PRDM5: variants seen among roughly 807,000 people sequenced by gnomAD.
PRDM5 encodes PR/SET domain 5.
Under a neutral mutation model 81.2 loss-of-function variants are expected in PRDM5, and 56 were observed. The ratio of observed to expected loss-of-function variants is 0.69; its 90% CI spans 0.56 to 0.86. The LOEUF (loss-of-function observed/expected upper bound fraction) is 0.86, where lower values mean the gene tolerates loss of function less well. Ranked by LOEUF, PRDM5 falls within the 40% of genes least tolerant of loss-of-function variation. The probability of loss-of-function intolerance (pLI) is 0.00; values close to 1 mark genes in which losing one functional copy is unlikely to be tolerated. For synonymous variants in PRDM5, 267 were observed against 256.4 expected (o/e 1.04, Z -0.39); for missense variants, 697 against 770.1 (o/e 0.91, Z 1.12).
At chr4:120,843,685 T>TAA (rs375029200) in intron 3 of PRDM5, among the ~76,000 whole-genome samples, 11 of 123,534 alleles carry the variant, frequency 8.9e-5, no homozygotes, top group Middle Eastern at 4.3e-3. Context: ...GATCCGGCCT[T>TAA]AAAAAAAAAA....
At chr4:120,793,644 A>AG (rs1750905604) in intron 10 of PRDM5, among the ~76,000 whole-genome samples, 1 of 152,218 alleles carries the variant, frequency 6.6e-6, no homozygotes, top group East Asian at 1.9e-4. Flanking sequence ...TAATTATTTT[A>AG]ATTGACAAAT....
intron 3 of PRDM5, among the ~76,000 whole-genome samples, chr4:120,835,523 GT>G (rs1349459158): frequency 6.6e-6 from 1 of 152,174 alleles, no homozygotes; most frequent in Non-Finnish European, 1.5e-5. Context: ...TTTCTGTGCT[GT>G]TCCTGTGATA....
At chr4:120,870,166 A>T (rs1296206946) in intron 2 of PRDM5, among the ~76,000 whole-genome samples, 1 of 151,996 alleles carries the variant, frequency 6.6e-6, no homozygotes, top group African/African-American at 2.4e-5. Flanking sequence ...AAAGAGGAGG[A>T]AAGTGGAGGC....
chr4:120,767,679 G>T (rs1477693119), intron 13 of PRDM5, among the ~76,000 whole-genome samples: 11 of 152,108 alleles, frequency 7.2e-5, no homozygotes, highest in Admixed American at 7.2e-4. Context: ...GTATGTTACT[G>T]CCCACTATAA....
chr4:120,876,999 T>C (rs1490815762), intron 2 of PRDM5, among the ~76,000 whole-genome samples: 2 of 152,162 alleles, frequency 1.3e-5, no homozygotes, highest in Non-Finnish European at 2.9e-5. Context: ...TATCAAAACC[T>C]ATCCAGAAAA....
chr4:120,720,867 T>C (rs2149056211), intron 14 of PRDM5, among the ~76,000 whole-genome samples: 1 of 152,316 alleles, frequency 6.6e-6, no homozygotes, highest in Admixed American at 6.5e-5. Context: ...TTGTAGCTAA[T>C]GAAAAACACA....
chr4:120,912,094 C>T (rs1297468684), intron 1 of PRDM5, among the ~76,000 whole-genome samples: 1 of 152,072 alleles, frequency 6.6e-6, no homozygotes. Flanking sequence ...AATAATATTA[C>T]TGATTTGGCA....
At chr4:120,865,644 T>C (rs1415148922) in intron 2 of PRDM5, among the ~76,000 whole-genome samples, 4 of 152,268 alleles carry the variant, frequency 2.6e-5, no homozygotes, top group African/African-American at 9.6e-5. Flanking sequence ...CTAGCCCAGA[T>C]CTCTGCCAAC....
At position 120,741,719 on chromosome 4, in the gene PRDM5, C is replaced by A. The variant is rs141899903; in HGVS notation, c.1623+12834G>T. On this transcript the variant is annotated intron_variant, in intron 14 of 15. Coordinates refer to ENST00000264808, the MANE Select transcript of PRDM5 (RefSeq NM_018699.4). Reference sequence around the variant, plus strand: ...CCACCCGAATACTGCGCTTTTCCGACAGGCTTAAAAAAACGGCACACCACG... The same window carrying A: ...CCACCCGAATACTGCGCTTTTCCGAAAGGCTTAAAAAAACGGCACACCACG... 8.2e-3 allele frequency among the ~76,000 whole-genome samples: 1,245 copies of A among 152,172 alleles called. 19 individuals carry two copies. The highest frequency in any genetic ancestry group is 0.029 in the African/African-American group (1,189 of 41,488).
intron 2 of PRDM5, among the ~76,000 whole-genome samples, chr4:120,873,788 T>C (rs1762083758): frequency 6.6e-6 from 1 of 152,264 alleles, no homozygotes; most frequent in African/African-American, 2.4e-5. Context: ...TTATTTGCCA[T>C]GATTTCTCAA....
chr4:120,898,892 T>C (rs566207324), intron 2 of PRDM5, among the ~76,000 whole-genome samples: 1 of 152,204 alleles, frequency 6.6e-6, no homozygotes, highest in Admixed American at 6.5e-5. Flanking sequence ...TGTCTGACTG[T>C]CTGATAGCGC....
At chr4:120,715,949 A>C (rs2149043028) in intron 14 of PRDM5, among the ~76,000 whole-genome samples, 1 of 152,300 alleles carries the variant, frequency 6.6e-6, no homozygotes, top group Admixed American at 6.5e-5. Flanking sequence ...TCCTCTTAGG[A>C]GACACTATCT....
At chr4:120,812,853 G>T (rs956161879) in intron 7 of PRDM5, 2 of 245,332 alleles carry the variant, frequency 8.2e-6, no homozygotes, top group Non-Finnish European at 1.6e-5. Flanking sequence ...TATCCACAAG[G>T]AATTCAAAGC....
intron 13 of PRDM5, among the ~76,000 whole-genome samples, chr4:120,769,242 A>C (rs938071402): frequency 6.6e-6 from 1 of 152,212 alleles, no homozygotes; most frequent in Non-Finnish European, 1.5e-5. Flanking sequence ...AATGGTAAAA[A>C]GTAAGGTATC....
chr4:120,740,512 C>T (rs1012269465), intron 14 of PRDM5, among the ~76,000 whole-genome samples: 55 of 152,250 alleles, frequency 3.6e-4, no homozygotes, highest in African/African-American at 1.3e-3. Flanking sequence ...TCACAATATC[C>T]CAAAATGCCC....
intron 14 of PRDM5, among the ~76,000 whole-genome samples, chr4:120,731,367 C>CTTT (rs200102326): frequency 1.5e-5 from 2 of 129,260 alleles, no homozygotes; most frequent in Non-Finnish European, 3.3e-5. Context: ...CAGAGGTCTT[C>CTTT]TTTTTTTTTT....
intron 11 of PRDM5, 140 bp from the exon 12 acceptor site, chr4:120,781,443 A>G (rs923353300): frequency 5.2e-6 from 4 of 768,618 alleles, no homozygotes; most frequent in Non-Finnish European, 8.8e-6. Context: ...TTTACAACAA[A>G]TTCCAGTTCC....
intron 2 of PRDM5, among the ~76,000 whole-genome samples, chr4:120,867,633 T>C (rs565256899): frequency 9.2e-5 from 14 of 152,306 alleles, no homozygotes; most frequent in African/African-American, 2.6e-4. Context: ...AGGGAAGCAG[T>C]TGGGAAAACT....
chr4:120,728,997 C>A (rs890020619), intron 14 of PRDM5, among the ~76,000 whole-genome samples: 4 of 152,134 alleles, frequency 2.6e-5, no homozygotes, highest in African/African-American at 9.7e-5. Context: ...GAAACTGAAG[C>A]CTGCCTAGAA....
Sources: gnomAD v4.1 joint callset for allele counts (sites outside exome capture counted in the v4.1 genomes callset) on GRCh38, gnomAD v4.1.1 for gene constraint, MANE v1.5 for transcripts, NCBI Gene and HGNC (gene_info 2026-07-23, HGNC 2026-07-21) for gene names.